CREB3L2: variants seen among roughly 807,000 people sequenced by gnomAD.
CREB3L2 encodes cyclic AMP-responsive element-binding protein 3-like protein 2.
Under a neutral mutation model 57.2 loss-of-function variants are expected in CREB3L2, and 23 were observed. The ratio of observed to expected loss-of-function variants is 0.40; its 90% CI spans 0.29 to 0.57. The LOEUF is 0.57. Among genes scored for constraint, CREB3L2 ranks in the 20% least tolerant of loss-of-function variants. CREB3L2 has a pLI of 0.42. For missense variants in CREB3L2, 628 were observed against 634.7 expected, an observed-to-expected ratio of 0.99 and a Z score of 0.11; for synonymous variants, 268 against 265.1, an observed-to-expected ratio of 1.01 and a Z score of -0.11.
chr7:137,889,463 A>G (rs1409956643), intron 8 of CREB3L2, among the ~76,000 whole-genome samples: 1 of 152,206 alleles, frequency 6.6e-6, no homozygotes, highest in African/African-American at 2.4e-5. Flanking sequence ...GCAAATGAAA[A>G]TGGTTGTTTA....
intron 2 of CREB3L2, among the ~76,000 whole-genome samples, chr7:137,918,742 T>TA (rs397936774): frequency 2.7e-4 from 40 of 146,582 alleles, no homozygotes; most frequent in East Asian, 4.0e-4. Context: ...AGGCAAAAGT[T>TA]AAAAAAAAAA....
At chr7:137,973,041 C>T (rs982159364) in intron 1 of CREB3L2, among the ~76,000 whole-genome samples, 2 of 151,802 alleles carry the variant, frequency 1.3e-5, no homozygotes. Context: ...CACAGACACA[C>T]ACACCCCAAA....
chr7:137,959,759 AAT>A (rs1462580994), intron 1 of CREB3L2, among the ~76,000 whole-genome samples: 6 of 152,214 alleles, frequency 3.9e-5, no homozygotes. Context: ...ATAATAACCG[AAT>A]TAAATTATCC....
At chr7:137,925,354 G>T (rs763285327) in intron 2 of CREB3L2, among the ~76,000 whole-genome samples, 2 of 152,194 alleles carry the variant, frequency 1.3e-5, no homozygotes, top group African/African-American at 2.4e-5. Context: ...AGTGAGAGCT[G>T]AATCACTGGC....
intron 2 of CREB3L2, among the ~76,000 whole-genome samples, chr7:137,927,539 C>T (rs1800501322): frequency 6.6e-6 from 1 of 152,054 alleles, no homozygotes; most frequent in African/African-American, 2.4e-5. Flanking sequence ...GAACAAGATA[C>T]AGCTTTTACC....
At chr7:137,977,744 AACCCTGATTCT>A (rs1298822388) in intron 1 of CREB3L2, among the ~76,000 whole-genome samples, 1 of 152,076 alleles carries the variant, frequency 6.6e-6, no homozygotes, top group East Asian at 1.9e-4. Flanking sequence ...AATATGATGA[AACCCTGATTCT>A]ACTAAAAACA....
At chr7:137,913,999 A>G (rs948318333) in intron 3 of CREB3L2, among the ~76,000 whole-genome samples, 3 of 152,138 alleles carry the variant, frequency 2.0e-5, no homozygotes, top group African/African-American at 7.2e-5. Context: ...TGTAAATTAC[A>G]TATAGCCACA....
intron 1 of CREB3L2, among the ~76,000 whole-genome samples, chr7:137,955,629 T>C (rs149869632): frequency 1.2e-3 from 181 of 152,306 alleles, no homozygotes; most frequent in African/African-American, 4.1e-3. Context: ...AAATCTGCAA[T>C]CTTGGCCTCA....
At chr7:137,902,012 G>A (rs892234100) in intron 7 of CREB3L2, among the ~76,000 whole-genome samples, 1 of 151,550 alleles carries the variant, frequency 6.6e-6, no homozygotes, top group Non-Finnish European at 1.5e-5. Context: ...TGGCCAACAT[G>A]GTGAAACCCC....
chr7:137,991,377 G>A (rs532363979), intron 1 of CREB3L2, among the ~76,000 whole-genome samples: 1 of 151,706 alleles, frequency 6.6e-6, no homozygotes, highest in Non-Finnish European at 1.5e-5. Context: ...TGTTAGCCAG[G>A]ATGGTCTCGA....
intron 7 of CREB3L2, among the ~76,000 whole-genome samples, chr7:137,902,887 G>A (rs1328385893): frequency 6.6e-6 from 1 of 151,948 alleles, no homozygotes; most frequent in African/African-American, 2.4e-5. Flanking sequence ...CACAATCACA[G>A]CTCACTGCAG....
intron 7 of CREB3L2, among the ~76,000 whole-genome samples, chr7:137,903,349 A>G (rs1050138515): frequency 7.2e-5 from 11 of 152,218 alleles, no homozygotes; most frequent in African/African-American, 2.7e-4. Flanking sequence ...TGCCCATCTT[A>G]AAAATATCTT....
In CREB3L2 at chr7:137,875,362, C is replaced by T. The variant is rs552566417; in HGVS notation, c.*5114G>A. ...TCTATGAACTCATAAACTGTTTTATCTGAAAAGGTGATTTTCTAAGTAGTG... is the reference window on the plus strand; with the variant it reads ...TCTATGAACTCATAAACTGTTTTATTTGAAAAGGTGATTTTCTAAGTAGTG... On this transcript the variant is annotated 3_prime_UTR_variant, in exon 12 of 12. Coordinates refer to ENST00000330387, the MANE Select transcript of CREB3L2 (RefSeq NM_194071.4). 2.3e-5 allele frequency: 5 copies of T among 218,938 alleles called. No individual in the cohort carries two copies. In the South Asian group the frequency reaches 9.3e-4, roughly 41 times the overall value. The allele number at this position is 218,938 out of a possible 1,614,324, so 13.6% of individuals were successfully genotyped here.
Position 137,908,295 on chromosome 7 carries a change from G to GC in CREB3L2, c.724dup (p.Ala242GlyfsTer16), listed in dbSNP as rs1337062923. On this transcript the variant is annotated frameshift_variant, in exon 5 of 12. Coordinates refer to ENST00000330387, the MANE Select transcript of CREB3L2 (RefSeq NM_194071.4). LOFTEE classifies it high-confidence loss of function. ...AGGGGAGCTGGAGAGGGCGGAGGGGGCCCGGGGTGCAGCTCTGGAGGGGCT... is the reference window on the plus strand; with the variant it reads ...AGGGGAGCTGGAGAGGGCGGAGGGGGCCCCGGGGTGCAGCTCTGGAGGGGCT... 7.9e-7 allele frequency: 1 copy of GC among 1,258,238 alleles called. No individual in the cohort carries two copies. Among genetic ancestry groups the GC allele is most frequent in the African/African-American group, 1.5e-5 (1 of 65,328 alleles). The allele number at this position is 1,258,238 out of a possible 1,614,324, so 77.9% of individuals were successfully genotyped here.
chr7:137,926,291 T>C (rs1394132745), intron 2 of CREB3L2, among the ~76,000 whole-genome samples: 3 of 152,202 alleles, frequency 2.0e-5, no homozygotes, highest in South Asian at 2.1e-4. Context: ...CGTATGTTTA[T>C]TGCAGCACTA....
chr7:137,977,870 G>A (rs547436405), intron 1 of CREB3L2, among the ~76,000 whole-genome samples: 17 of 150,716 alleles, frequency 1.1e-4, no homozygotes, highest in Admixed American at 4.6e-4. Flanking sequence ...GCAGTGAACC[G>A]AGATCATGCC....
intron 1 of CREB3L2, among the ~76,000 whole-genome samples, chr7:137,978,171 A>C (rs1801641637): frequency 6.6e-6 from 1 of 152,212 alleles, no homozygotes; most frequent in African/African-American, 2.4e-5. Context: ...ATGGAGCACA[A>C]GGAGCCCAAA....
rs1190945532 is a variant in CREB3L2 at position 137,912,948 on chromosome 7, A to G, written c.583+43T>C. 3.1e-6 allele frequency: 5 copies of G among 1,610,374 alleles called. No homozygotes were observed. In the South Asian group the frequency reaches 5.5e-5, roughly 18 times the overall value. ...ATATTCCCTCTCTGTAGACCCAGAG[A>G]CCATATCCATAACCCAAAGGGACAC... On this transcript the variant is annotated intron_variant, in intron 4 of 11. Coordinates refer to ENST00000330387, the MANE Select transcript of CREB3L2 (RefSeq NM_194071.4).
At chr7:137,955,230 T>C in intron 1 of CREB3L2, 1 of 1,256,990 alleles carries the variant, frequency 8.0e-7, no homozygotes, top group South Asian at 1.2e-5. Flanking sequence ...ATGAGTACAG[T>C]AAGAATCCAT....
Sources: gnomAD v4.1 joint callset for allele counts (sites outside exome capture counted in the v4.1 genomes callset) on GRCh38, gnomAD v4.1.1 for gene constraint, MANE v1.5 for transcripts, NCBI Gene and HGNC (gene_info 2026-07-23, HGNC 2026-07-21) for gene names.